The following ABLIM1 variants were observed in gnomAD, a reference collection of about 807,000 sequenced individuals.
ABLIM1 encodes actin-binding LIM protein 1.
A neutral mutation model predicts 107.0 loss-of-function variants in ABLIM1; 40 were observed. That is an observed-to-expected ratio of 0.37 (90% CI 0.29 to 0.49). The LOEUF (loss-of-function observed/expected upper bound fraction) is 0.49, where lower values mean the gene tolerates loss of function less well. Ranked by LOEUF, ABLIM1 falls within the 20% of genes least tolerant of loss-of-function variation. The pLI is 0.97. For missense variants in ABLIM1, 857 were observed against 1,008.5 expected, an observed-to-expected ratio of 0.85 and a Z score of 2.04; for synonymous variants, 357 against 357.3, an observed-to-expected ratio of 1.00 and a Z score of 0.01.
At chr10:114,502,087 T>C in intron 6 of ABLIM1, 1 of 163,676 alleles carries the variant, frequency 6.1e-6, no homozygotes, top group South Asian at 1.8e-4. Context: ...CTTTGGCCTG[T>C]CCATCATTTT....
intron 4 of ABLIM1, among the ~76,000 whole-genome samples, chr10:114,548,074 G>A (rs1308943653): frequency 2.0e-5 from 3 of 152,036 alleles, no homozygotes; most frequent in Non-Finnish European, 4.4e-5. Flanking sequence ...GCTACAGATC[G>A]CCCAGAGAAT....
intron 1 of ABLIM1, among the ~76,000 whole-genome samples, chr10:114,695,115 C>A (rs2081168334): frequency 6.6e-6 from 1 of 152,202 alleles, no homozygotes; most frequent in Non-Finnish European, 1.5e-5. Flanking sequence ...TCTCTAGTTA[C>A]ATCTCCATAC....
At chr10:114,442,757 A>C (rs1240319249) in intron 17 of ABLIM1, among the ~76,000 whole-genome samples, 3 of 152,254 alleles carry the variant, frequency 2.0e-5, no homozygotes, top group Non-Finnish European at 4.4e-5. Context: ...TGCAGTTGCT[A>C]ATAACAACCA....
At chr10:114,614,699 T>G (rs2077017509) in intron 1 of ABLIM1, among the ~76,000 whole-genome samples, 2 of 152,104 alleles carry the variant, frequency 1.3e-5, no homozygotes, top group South Asian at 2.1e-4. Context: ...GATATCCCTA[T>G]GAGTAATTGA....
chr10:114,590,923 C>T (rs2074801066), intron 2 of ABLIM1, among the ~76,000 whole-genome samples: 2 of 152,162 alleles, frequency 1.3e-5, no homozygotes, highest in African/African-American at 2.4e-5. Context: ...TCCTCTGCCT[C>T]CCACTTGGTC....
intron 11 of ABLIM1, among the ~76,000 whole-genome samples, chr10:114,466,854 C>T (rs1387555516): frequency 1.3e-5 from 2 of 152,068 alleles, no homozygotes; most frequent in African/African-American, 4.8e-5. Flanking sequence ...AATTGGGGCA[C>T]AATTAAGAAA....
intron 6 of ABLIM1, among the ~76,000 whole-genome samples, chr10:114,522,888 C>A (rs528261603): frequency 1.3e-5 from 2 of 152,154 alleles, no homozygotes; most frequent in Non-Finnish European, 2.9e-5. Context: ...CGGTGGCTCA[C>A]GCCTGTAATC....
intron 8 of ABLIM1, among the ~76,000 whole-genome samples, chr10:114,477,368 C>A (rs182815831): frequency 6.6e-6 from 1 of 152,234 alleles, no homozygotes; most frequent in East Asian, 1.9e-4. Context: ...CATCAGATGT[C>A]TTCGGTTACT....
chr10:114,737,919 G>A (rs1427302863), intron 1 of ABLIM1, among the ~76,000 whole-genome samples: 1 of 152,024 alleles, frequency 6.6e-6, no homozygotes, highest in Non-Finnish European at 1.5e-5. Flanking sequence ...TGGATATATG[G>A]ATGTTCACTC....
intron 1 of ABLIM1, among the ~76,000 whole-genome samples, chr10:114,679,647 A>AAG (rs1555222952): frequency 6.6e-6 from 1 of 151,916 alleles, no homozygotes; most frequent in Non-Finnish European, 1.5e-5. Flanking sequence ...AAAAAAAAAA[A>AAG]AAAAAAGAAA....
intron 1 of ABLIM1, among the ~76,000 whole-genome samples, chr10:114,713,226 T>G (rs2081590153): frequency 6.6e-6 from 1 of 152,198 alleles, no homozygotes; most frequent in Non-Finnish European, 1.5e-5. Flanking sequence ...TGTATTGTCC[T>G]CTTCCTAGAG....
intron 6 of ABLIM1, among the ~76,000 whole-genome samples, chr10:114,535,354 A>G (rs2065888274): frequency 6.6e-6 from 1 of 152,002 alleles, no homozygotes; most frequent in Admixed American, 6.6e-5. Flanking sequence ...TCTGTTGCCC[A>G]GGCTGGAGTG....
intron 1 of ABLIM1, among the ~76,000 whole-genome samples, chr10:114,643,472 C>T (rs1274824747): frequency 6.6e-6 from 1 of 152,034 alleles, no homozygotes; most frequent in East Asian, 1.9e-4. Flanking sequence ...GTTCCTGTTT[C>T]TTGGACTTGG....
intron 6 of ABLIM1, among the ~76,000 whole-genome samples, chr10:114,536,018 C>T (rs142860945): frequency 2.0e-5 from 3 of 152,080 alleles, no homozygotes; most frequent in African/African-American, 4.8e-5. Flanking sequence ...GTTGTGCAGC[C>T]GTCACCACTG....
At chr10:114,436,890 C>G (rs926216372) in intron 22 of ABLIM1, among the ~76,000 whole-genome samples, 4 of 152,154 alleles carry the variant, frequency 2.6e-5, no homozygotes, top group African/African-American at 9.7e-5. Context: ...CTCTGTACCT[C>G]TACGCCAAGG....
chr10:114,549,355 C>T (rs1258190582), intron 4 of ABLIM1, among the ~76,000 whole-genome samples: 3 of 152,056 alleles, frequency 2.0e-5, no homozygotes, highest in Non-Finnish European at 4.4e-5. Context: ...TGCACTCCAG[C>T]CTGGGCAACA....
At chr10:114,605,646 G>C (rs1591545085) in intron 1 of ABLIM1, among the ~76,000 whole-genome samples, 2 of 152,078 alleles carry the variant, frequency 1.3e-5, no homozygotes, top group East Asian at 3.9e-4. Flanking sequence ...CCTAAATAAG[G>C]ATTGTACAAT....
intron 6 of ABLIM1, among the ~76,000 whole-genome samples, chr10:114,528,231 A>G (rs1306718392): frequency 6.6e-6 from 1 of 152,128 alleles, no homozygotes; most frequent in Non-Finnish European, 1.5e-5. Flanking sequence ...CAGCCTCCCA[A>G]AGTGCTGCAA....
Position 114,441,706 on chromosome 10 carries a change from C to T in ABLIM1, c.1998+16G>A, listed in dbSNP as rs367729330. On this transcript the variant is annotated intron_variant, in intron 18 of 22. Coordinates refer to ENST00000533213, the MANE Select transcript of ABLIM1 (RefSeq NM_002313.7). ...GGGAGTAAAGGCAGAAACAATGAAT[C>T]GGGGAGAAATCTTACCCGGTGAAGC... 1.1e-5 allele frequency: 18 copies of T among 1,609,006 alleles called. No homozygotes were observed. The highest frequency in any genetic ancestry group is 7.7e-5 in the South Asian group (7 of 90,962).
Sources: allele counts gnomAD v4.1 joint callset (sites outside exome capture counted in the v4.1 genomes callset), GRCh38; gene constraint gnomAD v4.1.1; transcripts MANE v1.5; gene names NCBI Gene and HGNC (gene_info 2026-07-23, HGNC 2026-07-21).